CCDC148: variants seen among roughly 807,000 people sequenced by gnomAD.
CCDC148 encodes coiled-coil domain containing 148.
CCDC148 carries 89 observed loss-of-function variants against 85.7 expected under a neutral mutation model. That is an observed-to-expected ratio of 1.04 (90% CI 0.87 to 1.24). CCDC148 has a LOEUF of 1.24. CCDC148 is among the 50% of genes most tolerant of loss of function. The pLI is 0.00. For synonymous variants in CCDC148, 230 were observed against 213.9 expected, an observed-to-expected ratio of 1.08 and a Z score of -0.66; for missense variants, 692 against 671.7, an observed-to-expected ratio of 1.03 and a Z score of -0.33.
At chr2:158,368,101 C>T (rs1480970290) in intron 1 of CCDC148, among the ~76,000 whole-genome samples, 1 of 152,084 alleles carries the variant, frequency 6.6e-6, no homozygotes, top group Non-Finnish European at 1.5e-5. Flanking sequence ...ACTGGCCAAA[C>T]CCAACCTGAG....
intron 10 of CCDC148, among the ~76,000 whole-genome samples, chr2:158,227,403 T>C (rs1574445721): frequency 6.6e-6 from 1 of 152,166 alleles, no homozygotes; most frequent in South Asian, 2.1e-4. Context: ...ATAGATTCAA[T>C]GCCATCCCCA....
At chr2:158,352,049 G>A (rs1006648027) in intron 2 of CCDC148, among the ~76,000 whole-genome samples, 1 of 141,032 alleles carries the variant, frequency 7.1e-6, no homozygotes, top group Non-Finnish European at 1.5e-5. Context: ...CAAACAGAAA[G>A]GACATCCACA....
chr2:158,396,161 C>A (rs564833941), intron 1 of CCDC148, among the ~76,000 whole-genome samples: 1 of 152,018 alleles, frequency 6.6e-6, no homozygotes, highest in African/African-American at 2.4e-5. Flanking sequence ...TTATTTTAAC[C>A]CTCACAGTGT....
At chr2:158,290,608 C>T (rs1169392379) in intron 9 of CCDC148, among the ~76,000 whole-genome samples, 1 of 152,108 alleles carries the variant, frequency 6.6e-6, no homozygotes, top group Non-Finnish European at 1.5e-5. Context: ...TTATCATTTC[C>T]CTCCTTCCCC....
intron 1 of CCDC148, among the ~76,000 whole-genome samples, chr2:158,439,011 C>G (rs1477823937): frequency 6.6e-6 from 1 of 152,176 alleles, no homozygotes; most frequent in East Asian, 1.9e-4. Flanking sequence ...AATAGGAACA[C>G]TTTTACACTG....
chr2:158,278,809 C>T (rs1044686360), intron 9 of CCDC148, among the ~76,000 whole-genome samples: 37 of 152,350 alleles, frequency 2.4e-4, no homozygotes, highest in African/African-American at 7.2e-4. Flanking sequence ...GATCTGAGAA[C>T]GGGCAGACTG....
At chr2:158,358,601 A>T (rs1683781455) in intron 1 of CCDC148, 31 bp from the exon 2 acceptor site, 1 of 1,455,802 alleles carries the variant, frequency 6.9e-7, no homozygotes, top group African/African-American at 1.5e-5. Context: ...AAAATGACAA[A>T]GAAAGAATAT....
chr2:158,326,538 A>G (rs1335767790), intron 7 of CCDC148, among the ~76,000 whole-genome samples: 1 of 152,202 alleles, frequency 6.6e-6, no homozygotes, highest in Non-Finnish European at 1.5e-5. Flanking sequence ...TAAGTCAGTC[A>G]TATCTTCATC....
chr2:158,366,463 C>G (rs558175158), intron 1 of CCDC148, among the ~76,000 whole-genome samples: 7 of 152,236 alleles, frequency 4.6e-5, no homozygotes, highest in Admixed American at 2.0e-4. Context: ...TTGGTAGATA[C>G]AGAGATGCAC....
At chr2:158,433,621 G>A (rs1353756294) in intron 1 of CCDC148, among the ~76,000 whole-genome samples, 10 of 152,168 alleles carry the variant, frequency 6.6e-5, no homozygotes, top group East Asian at 3.9e-4. Flanking sequence ...ATCTCACTGC[G>A]GCTTGTCAGA....
intron 9 of CCDC148, among the ~76,000 whole-genome samples, chr2:158,279,260 T>C (rs1690133423): frequency 1.3e-5 from 2 of 151,936 alleles, no homozygotes; most frequent in South Asian, 2.1e-4. Flanking sequence ...TCACCAACAA[T>C]GGAACAAAGC....
At chr2:158,356,943 A>C (rs1683677221) in intron 2 of CCDC148, among the ~76,000 whole-genome samples, 1 of 148,140 alleles carries the variant, frequency 6.8e-6, no homozygotes. Context: ...GACATGGATG[A>C]AATTGGAAAA....
At chr2:158,207,259 C>T (rs1472284261) in intron 11 of CCDC148, among the ~76,000 whole-genome samples, 2 of 152,106 alleles carry the variant, frequency 1.3e-5, no homozygotes, top group Non-Finnish European at 2.9e-5. Flanking sequence ...CGACAGATAG[C>T]CAATTGAAGA....
rs139432869 is a variant in CCDC148, at chr2:158,176,787, G to A, written c.1489-126C>T. The stretch of plus-strand genomic sequence containing the variant: ...TTAAAGGTAAAGCCTGAGAGGAAAG[G>A]GCAGAAGAAATATTAATTGGTCAGT... On this transcript the variant is annotated intron_variant, in intron 12 of 13. Transcript: ENST00000283233. The A allele has an allele frequency of 2.6e-3, 2,754 of 1,077,572 alleles. 56 individuals carry two copies. The highest frequency in any genetic ancestry group is 6.4e-3 in the East Asian group (243 of 38,222). The allele number at this position is 1,077,572 out of a possible 1,614,324, so 66.8% of individuals were successfully genotyped here.
intron 1 of CCDC148, among the ~76,000 whole-genome samples, chr2:158,377,337 A>G (rs1684696592): frequency 6.6e-6 from 1 of 152,018 alleles, no homozygotes; most frequent in African/African-American, 2.4e-5. Flanking sequence ...AAGTGGCTGC[A>G]TAGGATTTTC....
chr2:158,368,381 T>A (rs1418694746), intron 1 of CCDC148, among the ~76,000 whole-genome samples: 1 of 152,096 alleles, frequency 6.6e-6, no homozygotes, highest in Non-Finnish European at 1.5e-5. Flanking sequence ...GAAGTATACA[T>A]CATCCAGGCT....
At chr2:158,212,524 C>T (rs976099605) in intron 11 of CCDC148, among the ~76,000 whole-genome samples, 2 of 152,086 alleles carry the variant, frequency 1.3e-5, no homozygotes, top group African/African-American at 4.8e-5. Context: ...CCTCAAAACA[C>T]ACACTAGATT....
intron 9 of CCDC148, among the ~76,000 whole-genome samples, chr2:158,295,194 G>T (rs112232995): frequency 0.13 from 20,177 of 151,896 alleles, 1,418 homozygotes; most frequent in Middle Eastern, 0.19. Flanking sequence ...AATCTCTGAA[G>T]AGACCAATAA....
chr2:158,407,623 G>A (rs1204868605), intron 1 of CCDC148, among the ~76,000 whole-genome samples: 3 of 151,954 alleles, frequency 2.0e-5, no homozygotes, highest in Admixed American at 2.0e-4. Context: ...TACAGCATCC[G>A]GCAAGAAAAA....
Sources: allele counts gnomAD v4.1 joint callset (sites outside exome capture counted in the v4.1 genomes callset), GRCh38; gene constraint gnomAD v4.1.1; transcripts MANE v1.5; gene names NCBI Gene and HGNC (gene_info 2026-07-23, HGNC 2026-07-21).